Variants in FAM78B observed in about 807,000 individuals in gnomAD.
The protein encoded by FAM78B is protein FAM78B.
Under a neutral mutation model 20.0 loss-of-function variants are expected in FAM78B, and 10 were observed. The observed-to-expected ratio is 0.50, with a 90% confidence interval of 0.31 to 0.85. The LOEUF (loss-of-function observed/expected upper bound fraction) is 0.85, where lower values mean the gene tolerates loss of function less well. Among genes scored for constraint, FAM78B ranks in the 40% least tolerant of loss-of-function variants. FAM78B has a pLI of 0.05. For missense variants in FAM78B, 283 were observed against 345.0 expected, an observed-to-expected ratio of 0.82 and a Z score of 1.42; for synonymous variants, 135 against 132.8, an observed-to-expected ratio of 1.02 and a Z score of -0.12.
At chr1:166,076,044 T>G (rs1157030168) in intron 1 of FAM78B, among the ~76,000 whole-genome samples, 3 of 152,192 alleles carry the variant, frequency 2.0e-5, no homozygotes, top group Admixed American at 6.5e-5. Flanking sequence ...CAAGCTAGAG[T>G]TGTCTCTCTT....
At chr1:166,165,579 C>T (rs537972219) in intron 1 of FAM78B, among the ~76,000 whole-genome samples, 1 of 152,126 alleles carries the variant, frequency 6.6e-6, no homozygotes. Context: ...ACAGCCCATG[C>T]GCCCCCGGCA....
chr1:166,103,448 G>A (rs923826247), intron 1 of FAM78B, among the ~76,000 whole-genome samples: 1 of 152,056 alleles, frequency 6.6e-6, no homozygotes, highest in Non-Finnish European at 1.5e-5. Flanking sequence ...AAAATTAATA[G>A]ACGTTAGCAA....
chr1:166,085,301 G>A (rs2101729260), intron 1 of FAM78B, among the ~76,000 whole-genome samples: 1 of 152,282 alleles, frequency 6.6e-6, no homozygotes, highest in Non-Finnish European at 1.5e-5. Flanking sequence ...GAGCATAGTT[G>A]GCTGGGGACC....
intron 1 of FAM78B, among the ~76,000 whole-genome samples, chr1:166,142,075 T>C (rs549250682): frequency 6.6e-6 from 1 of 152,126 alleles, no homozygotes; most frequent in African/African-American, 2.4e-5. Flanking sequence ...GCTGTGAAGG[T>C]GAGTGGCATG....
At chr1:166,151,614 T>C (rs1056454189) in intron 1 of FAM78B, among the ~76,000 whole-genome samples, 2 of 152,164 alleles carry the variant, frequency 1.3e-5, no homozygotes, top group African/African-American at 4.8e-5. Flanking sequence ...ACAGAAACCA[T>C]GGCCAGATGT....
intron 1 of FAM78B, among the ~76,000 whole-genome samples, chr1:166,138,871 G>A (rs907153961): frequency 6.6e-6 from 1 of 152,206 alleles, no homozygotes; most frequent in Non-Finnish European, 1.5e-5. Flanking sequence ...AATATTTGTT[G>A]AATGAATTAA....
intron 1 of FAM78B, among the ~76,000 whole-genome samples, chr1:166,094,047 G>GT (rs1460623001): frequency 6.8e-5 from 10 of 147,222 alleles, no homozygotes; most frequent in Non-Finnish European, 1.2e-4. Context: ...GTGTGTGTGT[G>GT]GTGTTCTTGA....
intron 1 of FAM78B, among the ~76,000 whole-genome samples, chr1:166,124,908 G>A (rs1314195432): frequency 1.3e-5 from 2 of 152,116 alleles, no homozygotes; most frequent in Non-Finnish European, 2.9e-5. Context: ...TGGGAGAAGG[G>A]ACACAGACAC....
intron 1 of FAM78B, among the ~76,000 whole-genome samples, chr1:166,105,653 G>T (rs1205074264): frequency 6.6e-6 from 1 of 152,166 alleles, no homozygotes; most frequent in East Asian, 1.9e-4. Flanking sequence ...AAACCACAAT[G>T]AGACACTATC....
chr1:166,143,797 A>G (rs1002927771), intron 1 of FAM78B, among the ~76,000 whole-genome samples: 2 of 152,176 alleles, frequency 1.3e-5, no homozygotes, highest in African/African-American at 4.8e-5. Context: ...CTAAAACACC[A>G]TAACTGACAA....
chr1:166,157,048 G>T (rs1463691873), intron 1 of FAM78B, among the ~76,000 whole-genome samples: 3 of 87,054 alleles, frequency 3.4e-5, no homozygotes, highest in East Asian at 4.4e-4. Context: ...GGGGGGGGGG[G>T]GCTCCAATGC....
intron 1 of FAM78B, among the ~76,000 whole-genome samples, chr1:166,153,302 G>A (rs1655757077): frequency 6.6e-6 from 1 of 152,216 alleles, no homozygotes. Flanking sequence ...GGGGATCCAG[G>A]GGTCTGGGGA....
At chr1:166,095,306 C>T (rs1421054002) in intron 1 of FAM78B, among the ~76,000 whole-genome samples, 2 of 151,486 alleles carry the variant, frequency 1.3e-5, no homozygotes, top group Non-Finnish European at 2.9e-5. Flanking sequence ...GTGCAGGTGG[C>T]AGCAGAAGAG....
At chr1:166,124,147 T>TTTC (rs1654559863) in intron 1 of FAM78B, among the ~76,000 whole-genome samples, 1 of 152,216 alleles carries the variant, frequency 6.6e-6, no homozygotes, top group Non-Finnish European at 1.5e-5. Context: ...CCAGTCTGCT[T>TTTC]TATGCTTCTA....
chr1:166,100,769 G>C (rs957729655), intron 1 of FAM78B, among the ~76,000 whole-genome samples: 1 of 152,240 alleles, frequency 6.6e-6, no homozygotes, highest in Non-Finnish European at 1.5e-5. Context: ...TCTGGGAGCA[G>C]GGCATAGCCA....
At chr1:166,156,270 CTTG>C (rs1210520249) in intron 1 of FAM78B, among the ~76,000 whole-genome samples, 1 of 152,244 alleles carries the variant, frequency 6.6e-6, no homozygotes, top group Non-Finnish European at 1.5e-5. Context: ...TCTCTTTGCG[CTTG>C]TTGAAGACAT....
chr1:166,117,115 C>T (rs1654290400), intron 1 of FAM78B, among the ~76,000 whole-genome samples: 1 of 152,220 alleles, frequency 6.6e-6, no homozygotes, highest in Admixed American at 6.5e-5. Context: ...TTCAGACCCC[C>T]CAGAACTCTG....
At chr1:166,096,157 C>A (rs1414690460) in intron 1 of FAM78B, among the ~76,000 whole-genome samples, 1 of 152,180 alleles carries the variant, frequency 6.6e-6, no homozygotes, top group Non-Finnish European at 1.5e-5. Context: ...AATTGCCAGT[C>A]GTCCCACGAA....
At chr1:166,104,009 T>C (rs1332414487) in intron 1 of FAM78B, among the ~76,000 whole-genome samples, 3 of 152,156 alleles carry the variant, frequency 2.0e-5, no homozygotes, top group Admixed American at 2.0e-4. Context: ...TCCACCATGA[T>C]CAAGTGGGCT....
Sources: allele counts gnomAD v4.1 joint callset (sites outside exome capture counted in the v4.1 genomes callset), GRCh38; gene constraint gnomAD v4.1.1; transcripts MANE v1.5; gene names NCBI Gene and HGNC (gene_info 2026-07-23, HGNC 2026-07-21).